The following UBR4 variants were observed in gnomAD, a reference collection of about 807,000 sequenced individuals.
UBR4 encodes the protein ubiquitin protein ligase E3 component n-recognin 4.
In UBR4, 124 loss-of-function variants were observed where a neutral mutation model predicts 575.6. That is an observed-to-expected ratio of 0.22 (90% CI 0.19 to 0.25). The LOEUF is 0.25. UBR4 is among the 10% of genes least tolerant of loss of function. UBR4 has a pLI of 1.00. For missense variants in UBR4, 4,818 were observed against 6,478.8 expected, an observed-to-expected ratio of 0.74 and a Z score of 8.80; for synonymous variants, 2,455 against 2,473.7, an observed-to-expected ratio of 0.99 and a Z score of 0.22.
At chr1:19,174,528 C>T in intron 21 of UBR4, 81 bp from the exon 22 acceptor site, 1 of 1,515,094 alleles carries the variant, frequency 6.6e-7, no homozygotes, top group Non-Finnish European at 8.8e-7. Flanking sequence ...CACTTATCCT[C>T]ATGATTGACA....
chr1:19,105,797 T>G lies in UBR4; in HGVS notation c.12439A>C (p.Thr4147Pro). 6.2e-7 allele frequency: 1 copy of G among 1,610,602 alleles called. No homozygotes were observed. The highest frequency in any genetic ancestry group is 8.5e-7 in the Non-Finnish European group (1 of 1,179,084). The change falls in exon 84 of 106, where the codon ACC becomes CCC. Residue 4147 changes from threonine to proline, a missense_variant. Physicochemically the swap from Thr to Pro is conservative, Grantham distance 38. This residue lies in a region of UBR4 where 178 missense variants were observed against 175.5 expected (regional missense o/e 1.01). Coordinates refer to ENST00000375254, the MANE Select transcript of UBR4 (RefSeq NM_020765.3). The part of the protein sequence containing the change: ...ATQAARQAAC[T>P]IVEALATIPS... Reference sequence around the variant, plus strand: ...ATGGTGGCTAGAGCTTCCACAATGGTACAGGCTGCCTGCCGTGCGGCCTGC... The same window carrying G: ...ATGGTGGCTAGAGCTTCCACAATGGGACAGGCTGCCTGCCGTGCGGCCTGC...
chr1:19,164,843 C>T lies in UBR4; in HGVS notation c.4467G>A (p.Arg1489=). The T allele has an allele frequency of 6.2e-7, 1 of 1,614,196 alleles. No homozygotes were observed. Among genetic ancestry groups the T allele is most frequent in the Non-Finnish European group, 8.5e-7 (1 of 1,180,028 alleles). ...SDQLDVIQEN[R]QLLQLLTTYI... is the part of the protein sequence containing the mutation. ...ATGTGGTCAGTAACTGCAGCAGCTG[C>T]CGGTTCTCCTGAATTACATCCAGCT... The change falls in exon 32 of 106, where the codon CGG becomes CGA. Residue 1489 remains arginine (R), a synonymous_variant. Transcript: ENST00000375254.
chr1:19,098,289 G>A lies in UBR4; in HGVS notation c.13303-1009C>T, dbSNP rs187739693. 2.0e-5 allele frequency among the ~76,000 whole-genome samples: 3 copies of A among 152,332 alleles called. No individual in the cohort carries two copies. In the East Asian group the frequency reaches 5.8e-4, roughly 29 times the overall value. On this transcript the variant is annotated intron_variant, in intron 90 of 105. Transcript: ENST00000375254. ...TTCTAGTCAGTAGCTACAGAGGTAGGCTGCTTATCAGGGAAATGGAGGGCA... is the reference window on the plus strand; with the variant it reads ...TTCTAGTCAGTAGCTACAGAGGTAGACTGCTTATCAGGGAAATGGAGGGCA...
chr1:19,131,250 A>AT (rs2082401095), intron 60 of UBR4, among the ~76,000 whole-genome samples: 1 of 137,044 alleles, frequency 7.3e-6, no homozygotes, highest in Non-Finnish European at 1.6e-5. Flanking sequence ...ACTTAAAAAA[A>AT]AAAAAAAAAA....
intron 86 of UBR4, 89 bp from the exon 87 acceptor site, chr1:19,104,346 A>C: frequency 6.6e-7 from 1 of 1,504,670 alleles, no homozygotes; most frequent in Non-Finnish European, 9.0e-7. Context: ...CAACTCAAAA[A>C]GCAGGGAAAA....
At position 19,076,736 on chromosome 1, in the gene UBR4, T is replaced by C. The variant is rs767436885; in HGVS notation, c.15487+4A>G. 6.2e-7 allele frequency: 1 copy of C among 1,613,934 alleles called. No homozygotes were observed. Among genetic ancestry groups the C allele is most frequent in the Non-Finnish European group, 8.5e-7 (1 of 1,180,000 alleles). ...TCTTTAAAAGAGAAAACCTTGACAC[T>C]AACCGGCCACATCGAGGAACTCTGA... On this transcript the variant is annotated splice_donor_region_variant and intron_variant, in intron 105 of 105. Transcript: ENST00000375254.
Position 19,110,790 on chromosome 1 carries a change from A to G in UBR4, c.11844T>C (p.Ile3948=), listed in dbSNP as rs745327848. The change falls in exon 79 of 106, where the codon ATT becomes ATC. Residue 3948 remains isoleucine (I), a synonymous_variant. Transcript: ENST00000375254. This position sits in a 1 kb window ranked among gnomAD's most constrained non-coding sequence, Gnocchi z 4.5. ...EATQQMNDLI[I]GKVSTALKGH... ...CCTTCAGGGCTGTGGAGACCTTGCCAATAATCAGGTCATTCATCTGTTGGG... is the reference window on the plus strand; with the variant it reads ...CCTTCAGGGCTGTGGAGACCTTGCCGATAATCAGGTCATTCATCTGTTGGG... 6.2e-7 allele frequency: 1 copy of G among 1,614,082 alleles called. No homozygotes were observed. The highest frequency in any genetic ancestry group is 1.3e-5 in the African/African-American group (1 of 74,934).
In UBR4 at chr1:19,139,688, G is replaced by A. The variant is rs1205771022; in HGVS notation, c.8594-468C>T. On this transcript the variant is annotated intron_variant, in intron 58 of 105. Transcript: ENST00000375254. This position sits in a 1 kb window ranked among gnomAD's most constrained non-coding sequence, Gnocchi z 4.2. ...TTTAATGAGACTTGTTTTGAAATCA[G>A]TCAAGTTTTGCTTATGTTAGGAAAT... is the stretch of plus-strand genomic sequence containing the variant. 6.6e-6 allele frequency among the ~76,000 whole-genome samples: 1 copy of A among 152,212 alleles called. No individual in the cohort carries two copies. Among genetic ancestry groups the A allele is most frequent in the African/African-American group, 2.4e-5 (1 of 41,456 alleles).
intron 103 of UBR4, 122 bp downstream of exon 103, chr1:19,081,227 G>T: frequency 1.2e-6 from 1 of 832,894 alleles, no homozygotes; most frequent in Non-Finnish European, 1.9e-6. Flanking sequence ...AGGGAGAAGG[G>T]CTGGTGTCAA....
intron 48 of UBR4, 109 bp from the exon 49 acceptor site, chr1:19,150,902 A>G: frequency 1.9e-6 from 2 of 1,038,086 alleles, no homozygotes; most frequent in Middle Eastern, 2.9e-4. Flanking sequence ...TCAATTTTAT[A>G]GACATAGAGA....
At chr1:19,126,253 G>C (rs1335626802) in intron 64 of UBR4, among the ~76,000 whole-genome samples, 193 bp downstream of exon 64, 2 of 152,238 alleles carry the variant, frequency 1.3e-5, no homozygotes, top group East Asian at 3.9e-4. Context: ...AAAGAGGCAG[G>C]AATGAGAATC....
chr1:19,135,915 C>T (rs1329574360), intron 60 of UBR4, among the ~76,000 whole-genome samples: 1 of 152,004 alleles, frequency 6.6e-6, no homozygotes, highest in Non-Finnish European at 1.5e-5. Flanking sequence ...GGTAAAACTG[C>T]AAAAATAATG....
chr1:19,122,605 G>A (rs1352331239), intron 66 of UBR4, among the ~76,000 whole-genome samples: 1 of 152,214 alleles, frequency 6.6e-6, no homozygotes, highest in Non-Finnish European at 1.5e-5. Context: ...TGGAGGAACT[G>A]CTGCCAGGTG....
rs895961189 is a variant in UBR4 at position 19,139,401 on chromosome 1, A to T, written c.8594-181T>A. 6.6e-6 allele frequency among the ~76,000 whole-genome samples: 1 copy of T among 152,250 alleles called. No homozygotes were observed. The highest frequency in any genetic ancestry group is 1.5e-5 in the Non-Finnish European group (1 of 68,052). ...GAGAGATTTGCTTTGCTGGTTAATCACTAACAGGAACAAACACTATACACG... is the reference window on the plus strand; with the variant it reads ...GAGAGATTTGCTTTGCTGGTTAATCTCTAACAGGAACAAACACTATACACG... On this transcript the variant is annotated intron_variant, in intron 58 of 105. Transcript: ENST00000375254. The surrounding 1 kb of genome is among the most constrained non-coding windows in gnomAD (Gnocchi z 4.2).
chr1:19,121,962 G>A lies in UBR4; in HGVS notation c.9867C>T (p.Asn3289=). The change falls in exon 67 of 106, where the codon AAC becomes AAT. Residue 3289 remains asparagine (N), a synonymous_variant. Transcript: ENST00000375254. The part of the protein sequence containing the change: ...CAEIAAQRTI[N]WQKFCIKDDS... ...CATCTTTGATGCAGAATTTCTGCCA[G>A]TTGATGGTTCGCTGGGCGGCAATCT... 6.2e-7 allele frequency: 1 copy of A among 1,614,208 alleles called. No homozygotes were observed. The highest frequency in any genetic ancestry group is 8.5e-7 in the Non-Finnish European group (1 of 1,180,020).
Position 19,092,881 on chromosome 1 carries a change from G to T in UBR4, c.14149C>A (p.Pro4717Thr). 1 of 1,613,566 alleles carries T rather than the reference G, an allele frequency of 6.2e-7. No individual in the cohort carries two copies. Residue 4717 changes from proline to threonine, a missense_variant, in exon 97 of 106, where the codon CCA (proline) becomes ACA (threonine). This residue lies in a region of UBR4 where 39 missense variants were observed against 37.5 expected (regional missense o/e 1.04). Coordinates refer to ENST00000375254, the MANE Select transcript of UBR4 (RefSeq NM_020765.3). ...AGCCTTAGGATAAATGGCAAGGCTG[G>T]GCGAGACAAAAACTTTTTCCAGATG... is the stretch of plus-strand genomic sequence containing the variant. ...ADIWKKFLSR[P>T]ALPFILRLLR...
At chr1:19,120,132 C>A in intron 69 of UBR4, 48 bp downstream of exon 69, 1 of 1,600,310 alleles carries the variant, frequency 6.2e-7, no homozygotes, top group Non-Finnish European at 8.5e-7. Flanking sequence ...CATTACGCAC[C>A]CTGGCCTCAC....
At chr1:19,127,887 A>G in intron 62 of UBR4, 148 bp from the exon 63 acceptor site, 1 of 676,052 alleles carries the variant, frequency 1.5e-6, no homozygotes, top group Non-Finnish European at 2.6e-6. Flanking sequence ...ATATCCATGG[A>G]CTATACTTGG....
At position 19,187,432 on chromosome 1, in the gene UBR4, C is replaced by A. The variant is rs759817708; in HGVS notation, c.1494+9G>T. The stretch of plus-strand genomic sequence containing the variant: ...AATATGCTGATTACCATGGGGATAA[C>A]CTCCTCACCTTGTGAAGGGCCTCCA... On this transcript the variant is annotated intron_variant, in intron 12 of 105. Coordinates refer to ENST00000375254, the MANE Select transcript of UBR4 (RefSeq NM_020765.3). The A allele has an allele frequency of 1.2e-6, 2 of 1,614,012 alleles. No homozygotes were observed. The highest frequency in any genetic ancestry group is 1.7e-6 in the Non-Finnish European group (2 of 1,179,948).
Sources: allele counts gnomAD v4.1 joint callset (sites outside exome capture counted in the v4.1 genomes callset), GRCh38; gene constraint gnomAD v4.1.1; regional missense constraint gnomAD v4.1.1; non-coding constraint Gnocchi (gnomAD v3.1); transcripts MANE v1.5; gene names NCBI Gene and HGNC (gene_info 2026-07-23, HGNC 2026-07-21).